The following KIF24 variants were observed in gnomAD, a reference collection of about 807,000 sequenced individuals.
KIF24 encodes kinesin-like protein KIF24.
Under a neutral mutation model 118.9 loss-of-function variants are expected in KIF24, and 81 were observed. That is an observed-to-expected ratio of 0.68 (90% CI 0.57 to 0.82). The LOEUF is 0.82. Among genes scored for constraint, KIF24 ranks in the 40% least tolerant of loss-of-function variants. KIF24 has a pLI of 0.00. For missense variants in KIF24, 1,560 were observed against 1,661.6 expected (o/e 0.94, Z 1.06); for synonymous variants, 599 against 610.0 (o/e 0.98, Z 0.27).
intron 5 of KIF24, among the ~76,000 whole-genome samples, chr9:34,288,273 C>T (rs1836125106): frequency 6.6e-6 from 1 of 151,622 alleles, no homozygotes; most frequent in Admixed American, 6.6e-5. Flanking sequence ...ATTGTTTGAG[C>T]CCAGGAGTTT....
At position 34,315,527 on chromosome 9, in the gene KIF24, C is replaced by T. The variant is rs574483194; in HGVS notation, c.-25-4156G>A. 9.2e-5 allele frequency among the ~76,000 whole-genome samples: 14 copies of T among 152,264 alleles called. 1 individual carries two copies. Among genetic ancestry groups the T allele is most frequent in the African/African-American group, 2.6e-4 (11 of 41,550 alleles). On this transcript the variant is annotated intron_variant, in intron 1 of 12. Transcript: ENST00000402558. ...CAGAGTTTTGATGATAAAACTGATA[C>T]GGCATTTATGACATACATACTCATT...
chr9:34,272,960 G>A (rs1159874458), intron 6 of KIF24, among the ~76,000 whole-genome samples: 4 of 152,052 alleles, frequency 2.6e-5, no homozygotes, highest in Non-Finnish European at 5.9e-5. Flanking sequence ...GGCCGGGCAT[G>A]GTGGCTCACA....
At chr9:34,333,644 C>CAAAAAAAAAAAAA (rs34830977), upstream of KIF24, among the ~76,000 whole-genome samples, 1 of 47,088 alleles carries the variant, frequency 2.1e-5, no homozygotes, top group Non-Finnish European at 3.6e-5. Context: ...GAGACATTGT[C>CAAAAAAAAAAAAA]AAAAAAAAAA....
intron 3 of KIF24, among the ~76,000 whole-genome samples, chr9:34,301,901 A>T (rs1044988619): frequency 1.3e-5 from 2 of 151,948 alleles, no homozygotes; most frequent in African/African-American, 4.8e-5. Context: ...AGAAAATAAA[A>T]GTATCCTTAA....
At position 34,321,915 on chromosome 9, in the gene KIF24, T is replaced by C. The variant is rs552510184; in HGVS notation, c.-26+7191A>G. On this transcript the variant is annotated intron_variant, in intron 1 of 12. Transcript: ENST00000402558. ...GCCACTGTGCCTGTCCTACATTATA[T>C]TTTTGTAAGATTTTTTTAAAAGGAG... Among the ~76,000 whole-genome samples, 10 of 152,186 alleles carry C rather than the reference T, an allele frequency of 6.6e-5. No individual in the cohort carries two copies. The South Asian group carries it at 1.9e-3, about 28-fold the overall frequency.
intron 4 of KIF24, among the ~76,000 whole-genome samples, chr9:34,292,916 G>C (rs1836310312): frequency 6.6e-6 from 1 of 152,078 alleles, no homozygotes; most frequent in South Asian, 2.1e-4. Flanking sequence ...AACAATACAG[G>C]AGTGAAAAAC....
intron 8 of KIF24, among the ~76,000 whole-genome samples, chr9:34,263,804 T>C (rs1587916880): frequency 6.7e-6 from 1 of 148,946 alleles, no homozygotes; most frequent in Admixed American, 6.8e-5. Context: ...CTCAAACTCC[T>C]GGCCTCAAAT....
upstream of KIF24, among the ~76,000 whole-genome samples, chr9:34,332,688 C>T (rs979145059): frequency 5.9e-5 from 9 of 152,144 alleles, no homozygotes; most frequent in Non-Finnish European, 1.3e-4. Context: ...CTGTTTCCTC[C>T]CTCAGCCAAT....
chr9:34,333,203 A>G (rs1051315770), upstream of KIF24, among the ~76,000 whole-genome samples: 1 of 152,038 alleles, frequency 6.6e-6, no homozygotes, highest in Non-Finnish European at 1.5e-5. Flanking sequence ...GCTACATTTT[A>G]CCCCTCCTTC....
chr9:34,254,737 T>C (rs946894764), intron 12 of KIF24, among the ~76,000 whole-genome samples: 1 of 151,840 alleles, frequency 6.6e-6, no homozygotes, highest in Admixed American at 6.6e-5. Flanking sequence ...GGCAGAAGGG[T>C]ATTTGGTAGA....
chr9:34,271,567 G>A (rs1835510158), intron 7 of KIF24, among the ~76,000 whole-genome samples: 2 of 152,172 alleles, frequency 1.3e-5, no homozygotes, highest in Non-Finnish European at 2.9e-5. Flanking sequence ...TGTGTTTCAT[G>A]TTAGAAGCAA....
intron 1 of KIF24, among the ~76,000 whole-genome samples, chr9:34,317,856 T>C (rs1052140138): frequency 6.6e-6 from 1 of 152,164 alleles, no homozygotes; most frequent in Non-Finnish European, 1.5e-5. Flanking sequence ...AGAATGAAAG[T>C]TCTAGACTTA....
At chr9:34,269,830 C>T (rs1835435296) in intron 7 of KIF24, among the ~76,000 whole-genome samples, 1 of 152,198 alleles carries the variant, frequency 6.6e-6, no homozygotes, top group Non-Finnish European at 1.5e-5. Context: ...TGGCTCACAC[C>T]TATAAACCCA....
At position 34,256,648 on chromosome 9, in the gene KIF24, T is replaced by G; in HGVS notation, c.2959A>C (p.Ile987Leu). Residue 987 changes from isoleucine (I) to leucine (L), a missense_variant, in exon 11 of 13, where the codon ATC (isoleucine) becomes CTC (leucine). Ile to Leu is a conservative substitution (Grantham distance 5, BLOSUM62 2). This residue lies in a region of KIF24 where 591 missense variants were observed against 655.6 expected (regional missense o/e 0.90). Transcript: ENST00000402558. Reference sequence around the variant, plus strand: ...GGAACTGCAACGTGGGACAATGAGATAGTGAAACCATCTTCCTCTGGGGAT... The same window carrying G: ...GGAACTGCAACGTGGGACAATGAGAGAGTGAAACCATCTTCCTCTGGGGAT... ...LPSPEEDGFTISLSHVAVPGS... is the reference protein window; with the variant it reads ...LPSPEEDGFTLSLSHVAVPGS... The G allele has an allele frequency of 6.2e-7, 1 of 1,614,000 alleles. No homozygotes were observed.
chr9:34,290,674 A>G (rs1483530108), intron 4 of KIF24, among the ~76,000 whole-genome samples: 1 of 150,098 alleles, frequency 6.7e-6, no homozygotes, highest in African/African-American at 2.5e-5. Context: ...ATCTCCACTC[A>G]CTGCAACCTC....
At position 34,318,325 on chromosome 9, in the gene KIF24, G is replaced by GCCCAGCCCAA. The variant is rs1180278863; in HGVS notation, c.-25-6964_-25-6955dup. The GCCCAGCCCAA allele has an allele frequency of 5.8e-5, 34 of 588,266 alleles. No homozygotes were observed. Among genetic ancestry groups the GCCCAGCCCAA allele is most frequent in the East Asian group, 5.4e-4 (16 of 29,898 alleles). 36.4% of individuals were successfully genotyped at this position (588,266 alleles called of 1,614,324 possible). On this transcript the variant is annotated intron_variant, in intron 1 of 12. Transcript: ENST00000402558. This position sits in a 1 kb window ranked among gnomAD's most constrained non-coding sequence, Gnocchi z 4.9. ...GAGCGAGACTCCCGTCTTGGAGCCAGCCCAGCCCAACCCAGCCCAACCCAG... is the reference window on the plus strand; with the variant it reads ...GAGCGAGACTCCCGTCTTGGAGCCAGCCCAGCCCAACCCAGCCCAACCCAGCCCAACCCAG...
chr9:34,322,510 C>A (rs1837555850), intron 1 of KIF24, among the ~76,000 whole-genome samples: 1 of 151,482 alleles, frequency 6.6e-6, no homozygotes, highest in Non-Finnish European at 1.5e-5. Flanking sequence ...TAATAATAAT[C>A]ACTTTTAAAG....
chr9:34,286,136 C>T (rs1242871863), intron 6 of KIF24, among the ~76,000 whole-genome samples: 15 of 151,542 alleles, frequency 9.9e-5, no homozygotes, highest in Non-Finnish European at 1.8e-4. Flanking sequence ...GAGTTCAAGA[C>T]CAGCCTGGCC....
At chr9:34,317,738 T>C (rs962158973) in intron 1 of KIF24, among the ~76,000 whole-genome samples, 1 of 152,202 alleles carries the variant, frequency 6.6e-6, no homozygotes, top group African/African-American at 2.4e-5. Flanking sequence ...GCAATGCTTG[T>C]GTTCATGTAA....
Sources: allele counts gnomAD v4.1 joint callset (sites outside exome capture counted in the v4.1 genomes callset), GRCh38; gene constraint gnomAD v4.1.1; regional missense constraint gnomAD v4.1.1; non-coding constraint Gnocchi (gnomAD v3.1); transcripts MANE v1.5; gene names NCBI Gene and HGNC (gene_info 2026-07-23, HGNC 2026-07-21).